PUM1: variants seen among roughly 807,000 people sequenced by gnomAD.
PUM1 encodes pumilio RNA binding family member 1, also known as pumilio homolog 1.
A neutral mutation model predicts 131.8 loss-of-function variants in PUM1; 13 were observed. The observed-to-expected ratio is 0.10, with a 90% confidence interval of 0.06 to 0.16. PUM1 has a LOEUF of 0.16. Ranked by LOEUF, PUM1 falls within the 10% of genes least tolerant of loss-of-function variation. PUM1 has a pLI of 1.00. For synonymous variants in PUM1, 509 were observed against 556.5 expected (o/e 0.91, Z 1.20); for missense variants, 961 against 1,512.4 (o/e 0.64, Z 6.05).
chr1:30,992,476 G>A lies in PUM1; in HGVS notation c.1072C>T (p.Leu358Phe). The A allele has an allele frequency of 6.2e-7, 1 of 1,614,238 alleles. No homozygotes were observed. The highest frequency in any genetic ancestry group is 8.5e-7 in the Non-Finnish European group (1 of 1,180,038). ...DPMEHVGMEP[L>F]QFDYSGTQVP... ...TGCGTGCCTGAATAATCAAACTGAA[G>A]AGGCTCCATGCCCACATGTTCCATG... The change falls in exon 7 of 22, where the codon CTT becomes TTT. Residue 358 changes from leucine (L) to phenylalanine (F), a missense_variant. Coordinates refer to ENST00000426105, the MANE Select transcript of PUM1 (RefSeq NM_001020658.2).
Position 30,953,780 on chromosome 1 carries a change from G to C in PUM1, c.2525C>G (p.Pro842Arg). The C allele has an allele frequency of 6.2e-7, 1 of 1,614,204 alleles. No individual in the cohort carries two copies. The highest frequency in any genetic ancestry group is 8.5e-7 in the Non-Finnish European group (1 of 1,180,018). The stretch of plus-strand genomic sequence containing the variant: ...AGCAATCTCCCGCAGTTGTAAATTG[G>C]GGTACCGGTTGTTTCGAAAATCTTC... ...LLEDFRNNRY[P>R]NLQLREIAGH... is the part of the protein sequence containing the mutation. Residue 842 changes from proline (P) to arginine (R), a missense_variant, in exon 15 of 22, where the codon CCC becomes CGC. Pro to Arg is a moderately radical substitution (Grantham distance 103). Around this residue, in one of 4 missense-constraint regions of PUM1, gnomAD observed 117 missense variants for 200.7 expected, o/e 0.58. Transcript: ENST00000426105.
intron 7 of PUM1, among the ~76,000 whole-genome samples, chr1:30,989,868 T>C (rs1641720298): frequency 6.6e-6 from 1 of 152,140 alleles, no homozygotes; most frequent in African/African-American, 2.4e-5. Flanking sequence ...AGAACACAAA[T>C]CTGTGGTCTC....
intron 14 of PUM1, among the ~76,000 whole-genome samples, chr1:30,960,362 A>T: frequency 6.6e-6 from 1 of 152,218 alleles, no homozygotes; most frequent in Non-Finnish European, 1.5e-5. Context: ...GCAGCATTTC[A>T]GATTTTTGAC....
Position 31,059,151 on chromosome 1 carries a change from T to C in PUM1, c.363+53A>G, listed in dbSNP as rs1644315633. On this transcript the variant is annotated intron_variant, in intron 2 of 21. Coordinates refer to ENST00000426105, the MANE Select transcript of PUM1 (RefSeq NM_001020658.2). The stretch of plus-strand genomic sequence containing the variant: ...ATTCATTGAAAGCAGATATCCTAAG[T>C]GGACAGTGATTATAAAGGAATGTCA... 7.3e-6 allele frequency: 11 copies of C among 1,512,004 alleles called. No individual in the cohort carries two copies. In the South Asian group the frequency reaches 9.3e-5, roughly 13 times the overall value. 93.7% of individuals were successfully genotyped at this position (1,512,004 alleles called of 1,614,324 possible).
intron 3 of PUM1, among the ~76,000 whole-genome samples, chr1:31,022,287 T>C (rs1643057410): frequency 6.6e-6 from 1 of 152,184 alleles, no homozygotes; most frequent in Non-Finnish European, 1.5e-5. Flanking sequence ...TTCCCTCCAA[T>C]AAAGCATGCT....
At chr1:31,025,940 C>T (rs577225973) in intron 3 of PUM1, among the ~76,000 whole-genome samples, 8 of 152,142 alleles carry the variant, frequency 5.3e-5, no homozygotes. Context: ...TAATTAGAAG[C>T]TGTTCTTTTT....
chr1:30,945,064 T>C (rs74847833), intron 18 of PUM1, among the ~76,000 whole-genome samples: 1,591 of 152,028 alleles, frequency 0.01, 33 homozygotes, highest in African/African-American at 0.035. Flanking sequence ...GAGGCCACTG[T>C]CTCTACAAAA....
At chr1:30,959,440 C>A (rs1466945919) in intron 14 of PUM1, among the ~76,000 whole-genome samples, 1 of 152,202 alleles carries the variant, frequency 6.6e-6, no homozygotes, top group East Asian at 1.9e-4. Context: ...GGATTAATAT[C>A]TGAAAATCAA....
rs1215116016 is a variant in PUM1 at position 31,038,980 on chromosome 1, A to T, written c.364-10116T>A. On this transcript the variant is annotated intron_variant, in intron 2 of 21. Coordinates refer to ENST00000426105, the MANE Select transcript of PUM1 (RefSeq NM_001020658.2). ...ATTTTATATATATATATATATATAT[A>T]TATATTTTTTTTTTTTTTTTCCTTT... 7.6e-3 allele frequency among the ~76,000 whole-genome samples: 226 copies of T among 29,586 alleles called. 9 individuals are homozygous for T. The highest frequency in any genetic ancestry group is 0.047 in the African/African-American group (162 of 3,478). 19.4% of individuals were successfully genotyped at this position (29,586 alleles called of 152,430 possible).
chr1:31,039,666 T>G (rs893857766), intron 2 of PUM1, among the ~76,000 whole-genome samples: 4 of 148,970 alleles, frequency 2.7e-5, no homozygotes, highest in African/African-American at 9.9e-5. Context: ...TTTGGGAGGT[T>G]GAGGCAGGCT....
In PUM1 at chr1:31,059,339, C is replaced by T; in HGVS notation, c.228G>A (p.Gln76=). 1 of 1,614,170 alleles carries T rather than the reference C, an allele frequency of 6.2e-7. No homozygotes were observed. Among genetic ancestry groups the T allele is most frequent in the Non-Finnish European group, 8.5e-7 (1 of 1,180,042 alleles). The part of the protein sequence containing the change: ...PGSIGVAGRS[Q]DDAMVDYFFQ... ...AGAAGTAGTCCACCATAGCGTCGTC[C>T]TGGGAACGGCCTGCAACTCCTATAG... Residue 76 remains glutamine (Q), a synonymous_variant, in exon 2 of 22, where the codon CAG becomes CAA. Transcript: ENST00000426105.
intron 14 of PUM1, among the ~76,000 whole-genome samples, chr1:30,963,615 T>TC (rs1640508001): frequency 6.6e-6 from 1 of 152,234 alleles, no homozygotes; most frequent in Admixed American, 6.5e-5. Context: ...TAAATCACTT[T>TC]CTAGTCTGCC....
rs184056513 is a variant in PUM1 at position 30,992,783 on chromosome 1, T to C, written c.888-123A>G. On this transcript the variant is annotated intron_variant, in intron 6 of 21. Transcript: ENST00000426105. ...TCAACAGTATTTAAAACTATTTCTA[T>C]AAAATAACCAGAGATACTTTACAGG... is the stretch of plus-strand genomic sequence containing the variant. The C allele has an allele frequency of 6.0e-6, 5 of 838,444 alleles. No individual in the cohort carries two copies. The East Asian group carries it at 1.3e-4, about 22-fold the overall frequency. 51.9% of individuals were successfully genotyped at this position (838,444 alleles called of 1,614,324 possible). A position where few individuals can be genotyped will look rare whatever the true frequency, so the allele number is the denominator to read the frequency against.
At chr1:30,940,180 A>G (rs552557207) in intron 20 of PUM1, among the ~76,000 whole-genome samples, 1 of 152,320 alleles carries the variant, frequency 6.6e-6, no homozygotes, top group African/African-American at 2.4e-5. Flanking sequence ...AATTTCACAA[A>G]TTTAAAATGA....
At chr1:31,044,602 G>A (rs1643910098) in intron 2 of PUM1, among the ~76,000 whole-genome samples, 1 of 151,906 alleles carries the variant, frequency 6.6e-6, no homozygotes, top group Non-Finnish European at 1.5e-5. Flanking sequence ...GGATTTTTGG[G>A]GTAATGCAAA....
At chr1:30,942,529 C>A (rs1392825505) in intron 18 of PUM1, among the ~76,000 whole-genome samples, 3 of 151,982 alleles carry the variant, frequency 2.0e-5, no homozygotes, top group African/African-American at 7.3e-5. Flanking sequence ...AATGCTTTCA[C>A]ACCGCCAGAA....
At chr1:30,950,819 C>G (rs1639903464) in intron 16 of PUM1, among the ~76,000 whole-genome samples, 1 of 152,222 alleles carries the variant, frequency 6.6e-6, no homozygotes, top group Non-Finnish European at 1.5e-5. Context: ...TGAGATAGCA[C>G]CACTACACTC....
intron 7 of PUM1, among the ~76,000 whole-genome samples, chr1:30,988,751 C>T (rs1641662932): frequency 6.6e-6 from 1 of 152,192 alleles, no homozygotes; most frequent in Admixed American, 6.5e-5. Context: ...CCTAGGACTA[C>T]ACCACAGTCA....
chr1:30,981,806 A>T (rs193148741), intron 7 of PUM1: 155 of 153,658 alleles, frequency 1.0e-3, no homozygotes, highest in African/African-American at 2.4e-3. Context: ...GATCCAAGGC[A>T]AAGTTAAAAA....
Sources: gnomAD v4.1 joint callset for allele counts (sites outside exome capture counted in the v4.1 genomes callset) on GRCh38, gnomAD v4.1.1 for gene constraint, gnomAD v4.1.1 regional missense constraint, MANE v1.5 for transcripts, NCBI Gene and HGNC (gene_info 2026-07-23, HGNC 2026-07-21) for gene names.